The following PALM2AKAP2 variants were observed in gnomAD, a reference collection of about 807,000 sequenced individuals.
PALM2AKAP2 encodes the protein PALM2 and AKAP2 fusion.
PALM2AKAP2 carries 37 observed loss-of-function variants against 71.5 expected under a neutral mutation model. That is an observed-to-expected ratio of 0.52 (90% CI 0.40 to 0.68). PALM2AKAP2 has a LOEUF of 0.68. Among genes scored for constraint, PALM2AKAP2 ranks in the 30% least tolerant of loss-of-function variants. The probability of loss-of-function intolerance (pLI) is 0.00; values close to 1 mark genes in which losing one functional copy is unlikely to be tolerated. For missense variants in PALM2AKAP2, 1,224 were observed against 1,191.8 expected (o/e 1.03, Z -0.40); for synonymous variants, 468 against 478.8 (o/e 0.98, Z 0.29).
chr9:109,962,785 G>A (rs1158141075), intron 6 of PALM2AKAP2, among the ~76,000 whole-genome samples: 1 of 152,154 alleles, frequency 6.6e-6, no homozygotes, highest in African/African-American at 2.4e-5. Context: ...TGGGATTACA[G>A]GTGCATGCGA....
At chr9:110,043,009 A>ATTTTTTGG (rs904218101) in intron 7 of PALM2AKAP2, among the ~76,000 whole-genome samples, 2 of 151,906 alleles carry the variant, frequency 1.3e-5, no homozygotes, top group Non-Finnish European at 2.9e-5. Context: ...CATTCTTTCT[A>ATTTTTTGG]TTTTTTGGTA....
At chr9:109,700,351 C>A (rs761713530) in intron 1 of PALM2AKAP2, among the ~76,000 whole-genome samples, 1 of 152,134 alleles carries the variant, frequency 6.6e-6, no homozygotes, top group Non-Finnish European at 1.5e-5. Flanking sequence ...TACTCTCTTG[C>A]CTGCTATCAT....
chr9:109,770,922 C>T (rs1829251144), intron 1 of PALM2AKAP2, among the ~76,000 whole-genome samples: 1 of 152,174 alleles, frequency 6.6e-6, no homozygotes, highest in Non-Finnish European at 1.5e-5. Flanking sequence ...GAAATGAATA[C>T]TATTGTATTT....
chr9:109,717,602 G>T (rs1228805327), intron 1 of PALM2AKAP2, among the ~76,000 whole-genome samples: 4 of 152,218 alleles, frequency 2.6e-5, no homozygotes, highest in Non-Finnish European at 5.9e-5. Context: ...GCCATAGAAG[G>T]TCTTCTTCTT....
At chr9:109,973,042 C>A (rs1310161397) in intron 6 of PALM2AKAP2, among the ~76,000 whole-genome samples, 5 of 152,216 alleles carry the variant, frequency 3.3e-5, no homozygotes, top group African/African-American at 7.2e-5. Context: ...ATGAAAGAAA[C>A]CCTGGATAGG....
chr9:109,818,601 A>G (rs1214864728), intron 1 of PALM2AKAP2, among the ~76,000 whole-genome samples: 1 of 152,220 alleles, frequency 6.6e-6, no homozygotes, highest in African/African-American at 2.4e-5. Context: ...CTTTTTAAGG[A>G]AAAACCTCAA....
intron 7 of PALM2AKAP2, among the ~76,000 whole-genome samples, chr9:110,041,597 T>A (rs1007698211): frequency 1.8e-4 from 28 of 152,020 alleles, no homozygotes; most frequent in African/African-American, 6.5e-4. Context: ...AGGAAATAAA[T>A]GTGGAACAGG....
At chr9:110,084,759 G>A (rs1198239901) in intron 1 of PALM2AKAP2, among the ~76,000 whole-genome samples, 6 of 151,010 alleles carry the variant, frequency 4.0e-5, no homozygotes, top group Middle Eastern at 3.4e-3. Context: ...TTTTTGAGAC[G>A]GAGTCTCGCT....
chr9:110,014,804 ATGTATATATAT>A (rs1409107439), intron 6 of PALM2AKAP2, among the ~76,000 whole-genome samples: 11 of 4,290 alleles, frequency 2.6e-3, no homozygotes, highest in South Asian at 9.9e-3. Flanking sequence ...AAAAAAAAAA[ATGTATATATAT>A]ATATATATAT....
intron 7 of PALM2AKAP2, among the ~76,000 whole-genome samples, chr9:110,034,139 A>G (rs977936014): frequency 1.3e-5 from 2 of 152,096 alleles, no homozygotes; most frequent in Non-Finnish European, 2.9e-5. Context: ...GCTCTTCTGC[A>G]GGTTTCTTTC....
At chr9:109,724,977 A>G (rs753545454) in intron 1 of PALM2AKAP2, among the ~76,000 whole-genome samples, 4 of 152,256 alleles carry the variant, frequency 2.6e-5, no homozygotes, top group Non-Finnish European at 5.9e-5. Flanking sequence ...TTACACATCA[A>G]TAAAATATGA....
intron 7 of PALM2AKAP2, among the ~76,000 whole-genome samples, chr9:110,022,396 T>C (rs2132371687): frequency 6.6e-6 from 1 of 152,272 alleles, no homozygotes; most frequent in Middle Eastern, 3.4e-3. Flanking sequence ...GGCCTTCCCA[T>C]GGCTCCTGGA....
At chr9:109,730,065 C>T (rs182820801) in intron 1 of PALM2AKAP2, among the ~76,000 whole-genome samples, 2 of 152,214 alleles carry the variant, frequency 1.3e-5, no homozygotes, top group East Asian at 3.9e-4. Context: ...CAGAAGTTAC[C>T]TTGCAAAGGA....
At chr9:109,934,409 A>C (rs969839692) in intron 6 of PALM2AKAP2, among the ~76,000 whole-genome samples, 1 of 152,166 alleles carries the variant, frequency 6.6e-6, no homozygotes, top group South Asian at 2.1e-4. Flanking sequence ...TCAAGTGTAG[A>C]AAGTCACTGT....
chr9:109,686,652 AT>A (rs1381407846), intron 1 of PALM2AKAP2, among the ~76,000 whole-genome samples: 5 of 151,578 alleles, frequency 3.3e-5, no homozygotes, highest in African/African-American at 9.7e-5. Flanking sequence ...TTTTACTTTT[AT>A]TTTTTAGAGC....
chr9:110,156,327 G>A, exon 3 of PALM2AKAP2: 1 of 1,575,514 alleles, frequency 6.3e-7, no homozygotes, highest in Non-Finnish European at 8.6e-7. Context: ...AGGGAAAATA[G>A]AGAAAGTCAA....
At chr9:109,723,071 C>T (rs1828428399) in intron 1 of PALM2AKAP2, among the ~76,000 whole-genome samples, 1 of 152,204 alleles carries the variant, frequency 6.6e-6, no homozygotes, top group African/African-American at 2.4e-5. Flanking sequence ...TCAACTTAGC[C>T]TTTTCTCACT....
At chr9:110,114,246 C>T (rs533398040) in intron 1 of PALM2AKAP2, among the ~76,000 whole-genome samples, 9 of 152,312 alleles carry the variant, frequency 5.9e-5, no homozygotes, top group African/African-American at 1.7e-4. Context: ...CATTTCTTGA[C>T]TTGTAAATGA....
chr9:110,117,676 CAA>C lies in PALM2AKAP2; in HGVS notation c.157-18450_157-18449del, dbSNP rs370423528. ...AAAAGAGCATACAGCCTGTGAGAGA[CAA>C]GAGAGAGCCAGTCTTACTTTGATAA... On this transcript the variant is annotated intron_variant, in intron 1 of 3. Coordinates refer to ENST00000374525, the Ensembl canonical transcript of PALM2AKAP2. Among the ~76,000 whole-genome samples, 331 of 152,254 alleles carry C rather than the reference CAA, an allele frequency of 2.2e-3. 2 individuals carry two copies. Among genetic ancestry groups the C allele is most frequent in the African/African-American group, 7.8e-3 (324 of 41,534 alleles).
Sources: gnomAD v4.1 joint callset for allele counts (sites outside exome capture counted in the v4.1 genomes callset) on GRCh38, gnomAD v4.1.1 for gene constraint, MANE v1.5 for transcripts, NCBI Gene and HGNC (gene_info 2026-07-23, HGNC 2026-07-21) for gene names.